GRM5: variants seen among roughly 807,000 people sequenced by gnomAD.
The protein encoded by GRM5 is metabotropic glutamate receptor 5.
Under a neutral mutation model 83.1 loss-of-function variants are expected in GRM5, and 19 were observed. That is an observed-to-expected ratio of 0.23 (90% CI 0.16 to 0.34). GRM5 has a LOEUF of 0.34. GRM5 is among the 10% of genes least tolerant of loss of function. GRM5 has a pLI of 1.00. For missense variants in GRM5, 1,160 were observed against 1,588.3 expected, an observed-to-expected ratio of 0.73 and a Z score of 4.58; for synonymous variants, 675 against 633.6, an observed-to-expected ratio of 1.07 and a Z score of -0.98.
chr11:88,639,032 T>A (rs1939216757), intron 4 of GRM5, among the ~76,000 whole-genome samples: 1 of 152,230 alleles, frequency 6.6e-6, no homozygotes, highest in South Asian at 2.1e-4. Context: ...GCTTTTCTTT[T>A]ACAAATTTCT....
chr11:88,663,409 T>C (rs1166486741), intron 3 of GRM5, among the ~76,000 whole-genome samples: 1 of 152,184 alleles, frequency 6.6e-6, no homozygotes, highest in Non-Finnish European at 1.5e-5. Context: ...ACATTGTGTG[T>C]TACCCAATCT....
chr11:88,582,186 T>C (rs57506251), intron 7 of GRM5, among the ~76,000 whole-genome samples: 1 of 152,292 alleles, frequency 6.6e-6, no homozygotes, highest in East Asian at 1.9e-4. Flanking sequence ...CTGCGATACT[T>C]GGGAGTAGGA....
At chr11:88,587,764 C>G (rs890840640) in intron 7 of GRM5, among the ~76,000 whole-genome samples, 1 of 152,218 alleles carries the variant, frequency 6.6e-6, no homozygotes, top group African/African-American at 2.4e-5. Flanking sequence ...TGAACAAACA[C>G]GAATAGCTGA....
rs1945032323 is a variant in GRM5, at chr11:88,885,618, C to T, written c.662-35463G>A. On this transcript the variant is annotated intron_variant, in intron 2 of 9. Coordinates refer to ENST00000305447, the MANE Select transcript of GRM5 (RefSeq NM_001143831.3). ...AATTAATATATAAATAAGGTTTCCA[C>T]AGATAACCTGCCTTTAAAACAAACC... Among the ~76,000 whole-genome samples, 13 of 151,836 alleles carry T rather than the reference C, an allele frequency of 8.6e-5. No individual in the cohort carries two copies. In the South Asian group the frequency reaches 2.7e-3, roughly 32 times the overall value.
intron 3 of GRM5, among the ~76,000 whole-genome samples, chr11:88,779,643 G>T (rs912269506): frequency 6.6e-6 from 1 of 152,050 alleles, no homozygotes; most frequent in South Asian, 2.1e-4. Flanking sequence ...ACCCACCCAC[G>T]CACAGAGCTA....
chr11:88,868,928 C>A (rs1166407015), intron 2 of GRM5, among the ~76,000 whole-genome samples: 3 of 151,708 alleles, frequency 2.0e-5, no homozygotes, highest in African/African-American at 7.3e-5. Flanking sequence ...CTCCTGTCCT[C>A]ATTTTGCTGC....
intron 2 of GRM5, among the ~76,000 whole-genome samples, chr11:88,892,745 G>A (rs1473720234): frequency 2.6e-5 from 4 of 151,940 alleles, no homozygotes. Context: ...GCTTATTTCT[G>A]TGAATCAAGT....
At chr11:88,865,846 A>G (rs1944653777) in intron 2 of GRM5, among the ~76,000 whole-genome samples, 1 of 152,164 alleles carries the variant, frequency 6.6e-6, no homozygotes, top group Non-Finnish European at 1.5e-5. Context: ...GCAAATCAAA[A>G]CCACAATGAG....
At chr11:88,533,518 T>G (rs1220434306) in intron 8 of GRM5, among the ~76,000 whole-genome samples, 2 of 152,138 alleles carry the variant, frequency 1.3e-5, no homozygotes, top group African/African-American at 2.4e-5. Context: ...TATATTTTAC[T>G]TATTTATTTT....
intron 9 of GRM5, among the ~76,000 whole-genome samples, chr11:88,510,922 G>C (rs745343490): frequency 6.6e-5 from 10 of 152,198 alleles, no homozygotes; most frequent in Non-Finnish European, 1.3e-4. Context: ...CTCTGTTCTA[G>C]GGGCTGTGAC....
chr11:88,509,346 C>T lies in GRM5; in HGVS notation c.2885G>A (p.Gly962Asp), dbSNP rs368756869. 1.3e-5 allele frequency: 21 copies of T among 1,605,976 alleles called. No individual in the cohort carries two copies. Among genetic ancestry groups the T allele is most frequent in the Non-Finnish European group, 1.7e-5 (20 of 1,177,276 alleles). The change falls in exon 10 of 10, where the codon GGC (glycine) becomes GAC (aspartate). Residue 962 changes from glycine to aspartate, a missense_variant. Physicochemically the swap from Gly to Asp is moderately conservative, Grantham distance 94 (BLOSUM62 -1). Coordinates refer to ENST00000305447, the MANE Select transcript of GRM5 (RefSeq NM_001143831.3). ...FPKSTESRGL[G>D]AGAGAGGSAG... The stretch of plus-strand genomic sequence containing the variant: ...GCTCCCGCCTGCGCCAGCGCCAGCG[C>T]CCAGGCCACGGCTCTCCGTGCTCTT...
intron 3 of GRM5, among the ~76,000 whole-genome samples, chr11:88,752,979 T>A (rs1942313369): frequency 6.6e-6 from 1 of 152,176 alleles, no homozygotes; most frequent in African/African-American, 2.4e-5. Flanking sequence ...AAGAATTAAG[T>A]GTAAAACTCA....
At chr11:88,749,237 A>G (rs901169791) in intron 3 of GRM5, among the ~76,000 whole-genome samples, 7 of 152,204 alleles carry the variant, frequency 4.6e-5, no homozygotes, top group Non-Finnish European at 7.3e-5. Flanking sequence ...TGGCCAGTTT[A>G]GAGAGAAACA....
At chr11:88,538,723 T>A (rs956727242) in intron 8 of GRM5, among the ~76,000 whole-genome samples, 2 of 152,232 alleles carry the variant, frequency 1.3e-5, no homozygotes, top group African/African-American at 2.4e-5. Context: ...GACACAATTC[T>A]AAGTCCCTGA....
chr11:88,534,606 T>C (rs1942093302), intron 8 of GRM5, among the ~76,000 whole-genome samples: 1 of 152,086 alleles, frequency 6.6e-6, no homozygotes, highest in Non-Finnish European at 1.5e-5. Context: ...TGGAAAGGAG[T>C]TGCCTTGTCT....
chr11:88,848,402 T>A (rs1944333391), intron 3 of GRM5, among the ~76,000 whole-genome samples: 2 of 152,146 alleles, frequency 1.3e-5, no homozygotes, highest in African/African-American at 4.8e-5. Context: ...CTAAGTCTGA[T>A]CACAGACGGT....
At chr11:88,675,486 A>C in intron 3 of GRM5, among the ~76,000 whole-genome samples, 1 of 151,950 alleles carries the variant, frequency 6.6e-6, no homozygotes, top group East Asian at 1.9e-4. Flanking sequence ...TCTGCAAGAA[A>C]ATTAGAGTAT....
At chr11:88,833,423 C>T (rs1303136068) in intron 3 of GRM5, among the ~76,000 whole-genome samples, 1 of 151,954 alleles carries the variant, frequency 6.6e-6, no homozygotes, top group Non-Finnish European at 1.5e-5. Context: ...TAAGTCAAAA[C>T]CACAGTGAGG....
chr11:88,914,820 C>T (rs7926785), intron 2 of GRM5, among the ~76,000 whole-genome samples: 5,929 of 151,716 alleles, frequency 0.039, 192 homozygotes, highest in African/African-American at 0.081. Context: ...TTTTCTCAAA[C>T]GTAAAGAAAA....
Sources: allele counts gnomAD v4.1 joint callset (sites outside exome capture counted in the v4.1 genomes callset), GRCh38; gene constraint gnomAD v4.1.1; transcripts MANE v1.5; gene names NCBI Gene and HGNC (gene_info 2026-07-23, HGNC 2026-07-21).